The following GPHN variants were observed in gnomAD, a reference collection of about 807,000 sequenced individuals.
The protein encoded by GPHN is gephyrin.
GPHN carries 17 observed loss-of-function variants against 95.5 expected under a neutral mutation model. The observed-to-expected ratio is 0.18, with a 90% CI of 0.12 to 0.27. GPHN has a LOEUF of 0.27. Ranked by LOEUF, GPHN falls within the 10% of genes least tolerant of loss-of-function variation. The pLI is 1.00. For missense variants in GPHN, 660 were observed against 978.1 expected, an observed-to-expected ratio of 0.67 and a Z score of 4.34; for synonymous variants, 320 against 322.5, an observed-to-expected ratio of 0.99 and a Z score of 0.08.
At chr14:67,193,829 C>T in the GPHN span, among the ~76,000 whole-genome samples, 2 of 146,232 alleles carry the variant, frequency 1.4e-5, no homozygotes, top group African/African-American at 5.0e-5. Context: ...CCTGTAATGC[C>T]AACTATTCAG....
intron 9 of GPHN, among the ~76,000 whole-genome samples, chr14:66,981,895 T>C (rs1433727537): frequency 1.3e-5 from 2 of 152,144 alleles, no homozygotes; most frequent in Non-Finnish European, 2.9e-5. Context: ...TATTGATGCA[T>C]TCAGAAAGCC....
chr14:67,015,365 G>A (rs967117454), intron 9 of GPHN, among the ~76,000 whole-genome samples: 4 of 152,200 alleles, frequency 2.6e-5, no homozygotes, highest in South Asian at 2.1e-4. Context: ...TATAAATATT[G>A]TCTATTTGCC....
intron 9 of GPHN, among the ~76,000 whole-genome samples, chr14:66,972,661 T>C (rs2069891250): frequency 6.6e-6 from 1 of 151,646 alleles, no homozygotes; most frequent in Non-Finnish European, 1.5e-5. Flanking sequence ...TTTTAATTAA[T>C]TAAATTTAAT....
chr14:66,951,872 A>C (rs963716365), intron 8 of GPHN, among the ~76,000 whole-genome samples: 3 of 152,176 alleles, frequency 2.0e-5, no homozygotes, highest in Admixed American at 6.5e-5. Context: ...AATAAATGAA[A>C]TTGGACCCCC....
chr14:67,536,009 T>C, the GPHN span, among the ~76,000 whole-genome samples: 6 of 152,228 alleles, frequency 3.9e-5, no homozygotes, highest in African/African-American at 1.4e-4. Flanking sequence ...GATTATTTAG[T>C]GCCTGAGCTC....
the GPHN span, among the ~76,000 whole-genome samples, chr14:67,457,093 T>C: frequency 6.6e-6 from 1 of 152,010 alleles, no homozygotes; most frequent in Non-Finnish European, 1.5e-5. Flanking sequence ...CACATGGACA[T>C]AAAGAAGGGA....
the GPHN span, chr14:67,653,485 C>T: frequency 1.2e-6 from 2 of 1,613,962 alleles, no homozygotes; most frequent in Non-Finnish European, 1.7e-6. Context: ...CAAGTTTTCA[C>T]TTGTGTTTAC....
the GPHN span, among the ~76,000 whole-genome samples, chr14:67,580,531 C>T: frequency 6.6e-6 from 1 of 152,236 alleles, no homozygotes; most frequent in Non-Finnish European, 1.5e-5. Context: ...AAAAACTATG[C>T]CACATACCTT....
intron 16 of GPHN, among the ~76,000 whole-genome samples, chr14:67,113,533 A>C (rs2078496330): frequency 6.6e-6 from 1 of 152,232 alleles, no homozygotes; most frequent in South Asian, 2.1e-4. Flanking sequence ...AATTGTGCCC[A>C]TCCTGCTGCT....
the GPHN span, among the ~76,000 whole-genome samples, chr14:67,239,716 C>A: frequency 2.0e-5 from 3 of 152,078 alleles, no homozygotes; most frequent in Admixed American, 6.5e-5. Context: ...ATTAGCCGGG[C>A]GTGGTGGCTG....
intron 3 of GPHN, among the ~76,000 whole-genome samples, chr14:66,777,674 C>T: frequency 6.6e-6 from 1 of 152,190 alleles, no homozygotes; most frequent in South Asian, 2.1e-4. Context: ...TCAATTTACG[C>T]AAATCAATAA....
At chr14:67,610,111 C>T in the GPHN span, among the ~76,000 whole-genome samples, 24,342 of 143,810 alleles carry the variant, frequency 0.17, 2,093 homozygotes, top group Middle Eastern at 0.27. Context: ...TTGCCAGCGG[C>T]GGGGCAGAGG....
chr14:67,663,211 G>T, the GPHN span: 8 of 1,483,234 alleles, frequency 5.4e-6, no homozygotes, highest in Non-Finnish European at 7.3e-6. Context: ...AAATAGAACA[G>T]GCTTCAGCTT....
At chr14:67,709,644 A>G in the GPHN span, among the ~76,000 whole-genome samples, 2 of 152,162 alleles carry the variant, frequency 1.3e-5, no homozygotes, top group Non-Finnish European at 2.9e-5. Context: ...GGAGTTTAAT[A>G]GCTTTAATTT....
At chr14:67,302,111 T>C in the GPHN span, 7,567 of 1,601,904 alleles carry the variant, frequency 4.7e-3, 95 homozygotes, top group South Asian at 5.1e-3. Context: ...GCTCGTGATA[T>C]TCCGTTGGTA....
intron 4 of GPHN, among the ~76,000 whole-genome samples, chr14:66,846,804 A>G (rs949573923): frequency 1.3e-5 from 2 of 152,178 alleles, no homozygotes; most frequent in African/African-American, 4.8e-5. Flanking sequence ...AGGTAAGTAG[A>G]TAACTAATGT....
chr14:67,144,247 AAAAATATATATATATATATAT>A (rs759939389), intron 18 of GPHN, among the ~76,000 whole-genome samples: 2,449 of 68,488 alleles, frequency 0.036, 145 homozygotes, highest in Admixed American at 0.07. Flanking sequence ...AAAAAAAAAA[AAAAATATATATATATATATAT>A]ATATATATAT....
At chr14:66,880,605 A>T (rs1327941914) in intron 5 of GPHN, among the ~76,000 whole-genome samples, 1 of 151,980 alleles carries the variant, frequency 6.6e-6, no homozygotes, top group African/African-American at 2.4e-5. Flanking sequence ...CTTATATTCC[A>T]ATTTATAAAT....
At chr14:66,750,962 T>C (rs2058341050) in intron 2 of GPHN, among the ~76,000 whole-genome samples, 1 of 151,988 alleles carries the variant, frequency 6.6e-6, no homozygotes, top group Non-Finnish European at 1.5e-5. Flanking sequence ...CAGAATTAAT[T>C]ATGTGTTATT....
Sources: gnomAD v4.1 joint callset for allele counts (sites outside exome capture counted in the v4.1 genomes callset) on GRCh38, gnomAD v4.1.1 for gene constraint, MANE v1.5 for transcripts, NCBI Gene and HGNC (gene_info 2026-07-23, HGNC 2026-07-21) for gene names.